Variants in THOC2 observed in about 807,000 individuals in gnomAD.
THOC2 encodes the protein THO complex 2.
A neutral mutation model predicts 128.4 loss-of-function variants in THOC2; 10 were observed. That is an observed-to-expected ratio of 0.08 (90% CI 0.05 to 0.13). The LOEUF (loss-of-function observed/expected upper bound fraction) is 0.13, where lower values mean the gene tolerates loss of function less well. Ranked by LOEUF, THOC2 falls within the 10% of genes least tolerant of loss-of-function variation. The pLI, the probability that THOC2 is intolerant of heterozygous loss-of-function variation, is 1.00. For missense variants in THOC2, 535 were observed against 1,155.7 expected (o/e 0.46, Z 7.79); for synonymous variants, 393 against 396.9 (o/e 0.99, Z 0.12).
intron 33 of THOC2, among the ~76,000 whole-genome samples, chrX:123,616,842 AT>A (rs1287827077): frequency 9.0e-6 from 1 of 110,633 alleles, no homozygotes; most frequent in Non-Finnish European, 1.9e-5. Context: ...AGTTAATCTC[AT>A]TTGAAAAGCT....
At chrX:123,614,579 T>A (rs2046820418) in intron 33 of THOC2, among the ~76,000 whole-genome samples, 1 of 109,632 alleles carries the variant, frequency 9.1e-6, no homozygotes, top group South Asian at 3.8e-4. Flanking sequence ...CTCTACACAA[T>A]CATGGAAATT....
At chrX:123,651,620 A>C (rs1190940686) in intron 12 of THOC2, among the ~76,000 whole-genome samples, 1 of 111,478 alleles carries the variant, frequency 9.0e-6, no homozygotes, top group East Asian at 2.8e-4. Flanking sequence ...GGATATCACC[A>C]TTGATCCCAC....
intron 8 of THOC2, among the ~76,000 whole-genome samples, chrX:123,676,572 C>T (rs1266569601): frequency 1.8e-5 from 2 of 112,275 alleles, no homozygotes; most frequent in Non-Finnish European, 3.8e-5. Flanking sequence ...TTTTCCACTT[C>T]GTTATGTTGT....
chrX:123,708,726 G>A (rs1387304401), intron 2 of THOC2, among the ~76,000 whole-genome samples: 1 of 111,428 alleles, frequency 9.0e-6, no homozygotes, highest in African/African-American at 3.3e-5. Flanking sequence ...CAGCAGCAAC[G>A]AATAGTCCCT....
At chrX:123,713,795 G>A (rs1318140778) in intron 1 of THOC2, among the ~76,000 whole-genome samples, 1 of 107,996 alleles carries the variant, frequency 9.3e-6, no homozygotes, top group Non-Finnish European at 1.9e-5. Context: ...TGGGGCTGCA[G>A]TGAACCATGA....
Position 123,624,421 on chromosome X carries a change from AAC to A in THOC2, c.3186+118_3186+119del, listed in dbSNP as rs1458564089. ...TAATAACAAATTAATTGTGCTTATA[AAC>A]ACAGTTTTACAACTGAATCTTAAAC... On this transcript the variant is annotated intron_variant, in intron 26 of 38. Transcript: ENST00000245838. 10 of 844,459 alleles carry A rather than the reference AAC, an allele frequency of 1.2e-5. No homozygotes were observed. In the African/African-American group the frequency reaches 2.0e-4, roughly 17 times the overall value. The allele number at this position is 844,459 out of a possible 1,213,427, so 69.6% of individuals were successfully genotyped here.
chrX:123,620,839 A>G, intron 32 of THOC2, 68 bp downstream of exon 32: 2 of 1,049,173 alleles, frequency 1.9e-6, no homozygotes, highest in South Asian at 2.1e-5. Flanking sequence ...ACTTGAAGGA[A>G]GTCAGGACAC....
chrX:123,607,385 C>T (rs190113681), intron 38 of THOC2, among the ~76,000 whole-genome samples: 13 of 111,429 alleles, frequency 1.2e-4, no homozygotes, highest in African/African-American at 1.6e-4. Context: ...AGGAAATCCT[C>T]CTGCCTCAGA....
At chrX:123,686,195 C>A (rs2049996190) in intron 8 of THOC2, among the ~76,000 whole-genome samples, 1 of 111,345 alleles carries the variant, frequency 9.0e-6, no homozygotes, top group African/African-American at 3.3e-5. Context: ...TATATTCACA[C>A]TGCCACATCT....
chrX:123,690,328 T>C (rs374067190), intron 7 of THOC2, among the ~76,000 whole-genome samples: 1 of 111,887 alleles, frequency 8.9e-6, no homozygotes, highest in Non-Finnish European at 1.9e-5. Context: ...GATGTATACA[T>C]ATATTAAAAG....
intron 12 of THOC2, among the ~76,000 whole-genome samples, chrX:123,647,597 A>G (rs901908780): frequency 2.7e-5 from 3 of 110,843 alleles, no homozygotes; most frequent in African/African-American, 9.8e-5. Context: ...GCACTTTGGG[A>G]AGCTGAGGCA....
At chrX:123,654,871 A>G (rs1310246467) in intron 12 of THOC2, among the ~76,000 whole-genome samples, 1 of 109,904 alleles carries the variant, frequency 9.1e-6, no homozygotes, top group African/African-American at 3.3e-5. Context: ...CTATAAAGAC[A>G]CAGTAGCTGA....
chrX:123,687,822 AAAG>A (rs1412985230), intron 7 of THOC2, among the ~76,000 whole-genome samples: 1 of 111,968 alleles, frequency 8.9e-6, no homozygotes, highest in East Asian at 2.8e-4. Flanking sequence ...AAACTAAGGA[AAAG>A]AAGGACTAAA....
intron 4 of THOC2, among the ~76,000 whole-genome samples, chrX:123,702,311 G>T (rs1402655317): frequency 9.2e-6 from 1 of 108,779 alleles, no homozygotes; most frequent in Non-Finnish European, 1.9e-5. Flanking sequence ...ATAATGTTTG[G>T]CAATGTCTTC....
Position 123,732,938 on chromosome X carries a change from G to C in THOC2, c.71+14C>G, listed in dbSNP as rs371279605. 3.9e-5 allele frequency: 47 copies of C among 1,207,548 alleles called. No homozygotes were observed. Among genetic ancestry groups the C allele is most frequent in the Non-Finnish European group, 4.8e-5 (43 of 892,968 alleles). On this transcript the variant is annotated intron_variant, in intron 1 of 38. Transcript: ENST00000245838. ...CGGCCCGGCAGTGCGCCTGCCTCCG[G>C]CCCGAACACTCACAATTCGCCTCTC...
At chrX:123,721,765 G>A (rs1258224021) in intron 1 of THOC2, among the ~76,000 whole-genome samples, 6 of 107,617 alleles carry the variant, frequency 5.6e-5, no homozygotes, top group South Asian at 8.4e-4. Flanking sequence ...CAGCCTAGGC[G>A]AGAGAGCAAG....
At chrX:123,651,434 A>G (rs1370745354) in intron 12 of THOC2, among the ~76,000 whole-genome samples, 1 of 111,764 alleles carries the variant, frequency 8.9e-6, no homozygotes, top group Non-Finnish European at 1.9e-5. Context: ...AGCAGAAGAC[A>G]AGAAATAACT....
chrX:123,611,926 C>T (rs1380027672), intron 36 of THOC2, among the ~76,000 whole-genome samples: 1 of 109,854 alleles, frequency 9.1e-6, no homozygotes, highest in African/African-American at 3.3e-5. Flanking sequence ...AGATGTTCAG[C>T]ATCATTAGTT....
At chrX:123,610,802 T>C (rs1422071592) in intron 38 of THOC2, 116 bp downstream of exon 38, 2 of 581,234 alleles carry the variant, frequency 3.4e-6, no homozygotes, top group African/African-American at 4.8e-5. Flanking sequence ...GGTCGTTATA[T>C]TTAGGTGAAA....
Sources: allele counts gnomAD v4.1 joint callset (sites outside exome capture counted in the v4.1 genomes callset), GRCh38; gene constraint gnomAD v4.1.1; transcripts MANE v1.5; gene names NCBI Gene and HGNC (gene_info 2026-07-23, HGNC 2026-07-21).